Variants in PTPRD observed in about 807,000 individuals in gnomAD.
PTPRD encodes receptor-type tyrosine-protein phosphatase delta.
PTPRD carries 34 observed loss-of-function variants against 214.5 expected under a neutral mutation model. The observed-to-expected ratio is 0.16, with a 90% CI of 0.12 to 0.21. PTPRD has a LOEUF of 0.21. Among genes scored for constraint, PTPRD ranks in the 10% least tolerant of loss-of-function variants. The pLI is 1.00. For synonymous variants in PTPRD, 1,128 were observed against 845.7 expected, an observed-to-expected ratio of 1.33 and a Z score of -5.79; for missense variants, 2,545 against 2,398.7, an observed-to-expected ratio of 1.06 and a Z score of -1.27.
rs1025054597 is a variant in PTPRD at position 10,303,957 on chromosome 9, C to CA, written c.-545+37005dup. On this transcript the variant is annotated intron_variant, in intron 3 of 45. Coordinates refer to ENST00000381196, the MANE Select transcript of PTPRD (RefSeq NM_002839.4). ...ATGCTGAAACCCGGAAGAGACACAA[C>CA]AAAAAAAGATAATTTCAGGCTAATA... Among the ~76,000 whole-genome samples the CA allele has an allele frequency of 3.9e-5, 6 of 152,016 alleles. No individual in the cohort carries two copies. In the East Asian group the frequency reaches 9.7e-4, roughly 25 times the overall value.
chr9:10,483,037 T>C (rs1311495785), intron 2 of PTPRD, among the ~76,000 whole-genome samples: 4 of 152,204 alleles, frequency 2.6e-5, no homozygotes, highest in African/African-American at 9.6e-5. Flanking sequence ...CTTCAAATTA[T>C]ATTGTAAGGC....
chr9:8,914,701 G>A (rs1274341304), intron 11 of PTPRD, among the ~76,000 whole-genome samples: 1 of 152,080 alleles, frequency 6.6e-6, no homozygotes, highest in Non-Finnish European at 1.5e-5. Context: ...GCTTACGAAA[G>A]CATAATTTTA....
At chr9:10,545,083 C>T (rs1052541787) in intron 2 of PTPRD, among the ~76,000 whole-genome samples, 8 of 152,038 alleles carry the variant, frequency 5.3e-5, no homozygotes, top group Non-Finnish European at 1.0e-4. Flanking sequence ...TTTACTGTTC[C>T]ACTTTAAATA....
chr9:10,130,433 G>A (rs570537330), intron 3 of PTPRD, among the ~76,000 whole-genome samples: 3 of 152,126 alleles, frequency 2.0e-5, no homozygotes, highest in African/African-American at 7.2e-5. Flanking sequence ...TCTCTTTAGA[G>A]TGATAATGAT....
chr9:9,547,819 C>CACACACAG (rs1380150763), intron 8 of PTPRD, among the ~76,000 whole-genome samples: 2 of 151,700 alleles, frequency 1.3e-5, no homozygotes, highest in African/African-American at 2.4e-5. Flanking sequence ...CACACACACA[C>CACACACAG]ACACATCAGG....
At position 8,486,560 on chromosome 9, in the gene PTPRD, A is replaced by T. The variant is rs930108755; in HGVS notation, c.2468-211T>A. On this transcript the variant is annotated intron_variant, in intron 27 of 45. Transcript: ENST00000381196. ...GTAGGCTGAGATACTAGAATTTGAT[A>T]ATGGACACAAAACAGAAATTATCAT... is the stretch of plus-strand genomic sequence containing the variant. 1.2e-5 allele frequency: 8 copies of T among 689,370 alleles called. No homozygotes were observed. The Admixed American group carries it at 1.2e-4, about 10-fold the overall frequency. The allele number at this position is 689,370 out of a possible 1,614,324, so 42.7% of individuals were successfully genotyped here.
chr9:10,498,380 G>C (rs547290117), intron 2 of PTPRD, among the ~76,000 whole-genome samples: 1 of 151,976 alleles, frequency 6.6e-6, no homozygotes, highest in East Asian at 1.9e-4. Context: ...ATTTTTGTTT[G>C]CATACCAAAA....
At chr9:9,936,896 T>TA (rs1291796277) in intron 5 of PTPRD, among the ~76,000 whole-genome samples, 1 of 146,480 alleles carries the variant, frequency 6.8e-6, no homozygotes, top group Admixed American at 6.9e-5. Flanking sequence ...TATGCAGCCA[T>TA]AAAAAATGAT....
intron 14 of PTPRD, among the ~76,000 whole-genome samples, chr9:8,536,323 T>A (rs1041233547): frequency 6.6e-6 from 1 of 151,978 alleles, no homozygotes; most frequent in African/African-American, 2.4e-5. Flanking sequence ...TTAAATGGCA[T>A]GGACTAGATA....
At chr9:8,347,583 T>C (rs1020139512) in intron 39 of PTPRD, among the ~76,000 whole-genome samples, 8 of 152,098 alleles carry the variant, frequency 5.3e-5, no homozygotes, top group African/African-American at 1.9e-4. Context: ...GAAACTGAAA[T>C]CTGTTATGGG....
intron 3 of PTPRD, among the ~76,000 whole-genome samples, chr9:10,260,980 A>G (rs1490922575): frequency 6.8e-6 from 1 of 147,234 alleles, no homozygotes; most frequent in African/African-American, 2.5e-5. Context: ...ATATGTGTGT[A>G]TATATATGTA....
intron 11 of PTPRD, among the ~76,000 whole-genome samples, chr9:8,805,295 C>CAATTAG (rs2096653474): frequency 6.6e-6 from 1 of 152,196 alleles, no homozygotes; most frequent in Admixed American, 6.5e-5. Context: ...GTTGGAGCTG[C>CAATTAG]AATTAGAATT....
chr9:10,415,947 A>G (rs1417053894), intron 2 of PTPRD, among the ~76,000 whole-genome samples: 1 of 151,954 alleles, frequency 6.6e-6, no homozygotes. Flanking sequence ...AGCAGCACAG[A>G]GCCAAGATGC....
chr9:9,226,620 G>A (rs1038762458), intron 9 of PTPRD, among the ~76,000 whole-genome samples: 4 of 152,024 alleles, frequency 2.6e-5, no homozygotes, highest in Non-Finnish European at 5.9e-5. Flanking sequence ...TTTATCTACA[G>A]TGGAGTAATG....
At chr9:9,720,797 G>T (rs1380333165) in intron 7 of PTPRD, among the ~76,000 whole-genome samples, 1 of 135,216 alleles carries the variant, frequency 7.4e-6, no homozygotes, top group African/African-American at 3.3e-5. Context: ...ATACACCATG[G>T]AATACTATGC....
intron 3 of PTPRD, among the ~76,000 whole-genome samples, chr9:10,334,323 G>T (rs1015934619): frequency 4.5e-4 from 69 of 151,686 alleles, no homozygotes; most frequent in African/African-American, 1.4e-3. Flanking sequence ...AATAGATCCA[G>T]AAAAAGGATT....
intron 2 of PTPRD, among the ~76,000 whole-genome samples, chr9:10,366,167 A>C (rs1240119805): frequency 1.3e-5 from 2 of 152,154 alleles, no homozygotes; most frequent in African/African-American, 4.8e-5. Context: ...AGTGCTGCTG[A>C]TATATGGCTC....
At chr9:8,805,334 G>C (rs1015048245) in intron 11 of PTPRD, among the ~76,000 whole-genome samples, 11 of 152,158 alleles carry the variant, frequency 7.2e-5, no homozygotes, top group African/African-American at 2.7e-4. Context: ...GTTCTGACCA[G>C]GTGGTCTCTC....
intron 2 of PTPRD, among the ~76,000 whole-genome samples, chr9:10,391,322 TG>T: frequency 6.6e-6 from 1 of 151,912 alleles, no homozygotes; most frequent in South Asian, 2.1e-4. Context: ...CATTAAAATC[TG>T]ACAGTTTTCT....
Sources: allele counts gnomAD v4.1 joint callset (sites outside exome capture counted in the v4.1 genomes callset), GRCh38; gene constraint gnomAD v4.1.1; transcripts MANE v1.5; gene names NCBI Gene and HGNC (gene_info 2026-07-23, HGNC 2026-07-21).